Variants in DOCK7 observed in about 807,000 individuals in gnomAD.
DOCK7 encodes the protein dedicator of cytokinesis protein 7.
Under a neutral mutation model 271.0 loss-of-function variants are expected in DOCK7, and 138 were observed. That is an observed-to-expected ratio of 0.51 (90% CI 0.44 to 0.59). DOCK7 has a LOEUF of 0.59. DOCK7 is among the 20% of genes least tolerant of loss of function. DOCK7 has a pLI of 0.00. For missense variants in DOCK7, 2,066 were observed against 2,592.4 expected, an observed-to-expected ratio of 0.80 and a Z score of 4.41; for synonymous variants, 823 against 876.1, an observed-to-expected ratio of 0.94 and a Z score of 1.07.
chr1:62,600,988 A>G, intron 14 of DOCK7: 2 of 777,206 alleles, frequency 2.6e-6, no homozygotes, highest in South Asian at 1.4e-5. Context: ...TTATGAACTG[A>G]AAGACAAACT....
chr1:62,573,873 T>C (rs763595459), intron 18 of DOCK7, among the ~76,000 whole-genome samples: 1 of 152,008 alleles, frequency 6.6e-6, no homozygotes, highest in Non-Finnish European at 1.5e-5. Flanking sequence ...GAACTCCTGC[T>C]CCCACCTCAG....
At position 62,504,671 on chromosome 1, in the gene DOCK7, A is replaced by T. The variant is rs1646887723; in HGVS notation, c.4723T>A (p.Ser1575Thr). Residue 1575 changes from serine (S) to threonine (T), a missense_variant, in exon 37 of 50, where the codon TCC becomes ACC. Ser to Thr is a moderately conservative substitution (Grantham distance 58, BLOSUM62 1). Around this residue, in one of 2 missense-constraint regions of DOCK7, gnomAD observed 652 missense variants for 922.1 expected, o/e 0.71. Coordinates refer to ENST00000635253, the MANE Select transcript of DOCK7 (RefSeq NM_001367561.1). The part of the protein sequence containing the change: ...IGTIRSHASA[S>T]LYLLMRQNFE... Reference sequence around the variant, plus strand: ...TTTTGCCTCATTAGTAGGTAAAGGGAGGCACTGGCGTGTGACCGTATTGTA... The same window carrying T: ...TTTTGCCTCATTAGTAGGTAAAGGGTGGCACTGGCGTGTGACCGTATTGTA... 1 of 1,613,914 alleles carries T rather than the reference A, an allele frequency of 6.2e-7. No individual in the cohort carries two copies. Among genetic ancestry groups the T allele is most frequent in the Non-Finnish European group, 8.5e-7 (1 of 1,179,944 alleles).
chr1:62,587,147 TAG>T (rs1027804013), intron 14 of DOCK7, among the ~76,000 whole-genome samples: 3 of 152,112 alleles, frequency 2.0e-5, no homozygotes, highest in South Asian at 2.1e-4. Flanking sequence ...ATGGATATAA[TAG>T]AGTTAGGTAG....
chr1:62,631,109 C>T, intron 11 of DOCK7, 131 bp downstream of exon 11: 8 of 674,408 alleles, frequency 1.2e-5, no homozygotes, highest in South Asian at 5.4e-5. Flanking sequence ...TGCTTGAACC[C>T]CGGTGGCAAA....
chr1:62,558,048 C>T (rs1028096868), intron 20 of DOCK7, among the ~76,000 whole-genome samples: 10 of 152,014 alleles, frequency 6.6e-5, no homozygotes, highest in Non-Finnish European at 1.5e-4. Flanking sequence ...TCTTCAAAGG[C>T]TATTTATTCC....
At chr1:62,624,303 T>C (rs1461709546) in intron 12 of DOCK7, among the ~76,000 whole-genome samples, 1 of 152,206 alleles carries the variant, frequency 6.6e-6, no homozygotes, top group Non-Finnish European at 1.5e-5. Flanking sequence ...ATTTTTTCTA[T>C]TCTACTCGTG....
At chr1:62,490,001 T>TA (rs1646412476) in intron 41 of DOCK7, among the ~76,000 whole-genome samples, 1 of 151,356 alleles carries the variant, frequency 6.6e-6, no homozygotes, top group Non-Finnish European at 1.5e-5. Flanking sequence ...GCTATGGTTA[T>TA]AATCACATAA....
At chr1:62,546,671 T>C (rs906478939) in intron 22 of DOCK7, among the ~76,000 whole-genome samples, 1 of 152,110 alleles carries the variant, frequency 6.6e-6, no homozygotes, top group African/African-American at 2.4e-5. Flanking sequence ...CCATACATAT[T>C]TTTCTTAAAA....
At position 62,494,323 on chromosome 1, in the gene DOCK7, G is replaced by A; in HGVS notation, c.5169C>T (p.Ser1723=). 6.2e-7 allele frequency: 1 copy of A among 1,607,950 alleles called. No individual in the cohort carries two copies. ...GAAGATATTTCCGGTCCTCCAGCAT[G>A]CTCAAATATTCAGCAACAAGTGCTG... is the stretch of plus-strand genomic sequence containing the variant. ...HSAALVAEYL[S]MLEDRKYLPV... Residue 1723 remains serine (S), a synonymous_variant, in exon 40 of 50, where the codon AGC becomes AGT. Transcript: ENST00000635253.
chr1:62,528,402 C>G, intron 30 of DOCK7, 97 bp from the exon 31 acceptor site: 1 of 1,150,406 alleles, frequency 8.7e-7, no homozygotes, highest in Non-Finnish European at 1.2e-6. Flanking sequence ...AACTTGTTGA[C>G]ATGTTATAGT....
chr1:62,513,344 T>C, intron 33 of DOCK7, 100 bp downstream of exon 33: 1 of 1,109,602 alleles, frequency 9.0e-7, no homozygotes, highest in Non-Finnish European at 1.2e-6. Flanking sequence ...AATTCACAGT[T>C]ACACTTAAAA....
intron 2 of DOCK7, among the ~76,000 whole-genome samples, chr1:62,662,373 G>C (rs1300650424): frequency 6.6e-6 from 1 of 152,056 alleles, no homozygotes; most frequent in Non-Finnish European, 1.5e-5. Context: ...TTATCTTAAA[G>C]GGGACAGATA....
chr1:62,633,275 T>C (rs1654851153), intron 10 of DOCK7, among the ~76,000 whole-genome samples: 1 of 151,964 alleles, frequency 6.6e-6, no homozygotes, highest in African/African-American at 2.4e-5. Flanking sequence ...CCACAGCATA[T>C]GAAACATATG....
chr1:62,674,194 C>G (rs1351661581), intron 1 of DOCK7, among the ~76,000 whole-genome samples: 1 of 151,900 alleles, frequency 6.6e-6, no homozygotes, highest in East Asian at 1.9e-4. Flanking sequence ...TAATTCCATT[C>G]AAAAGATCAA....
chr1:62,504,015 C>A (rs1276983170), intron 37 of DOCK7, among the ~76,000 whole-genome samples: 1 of 150,134 alleles, frequency 6.7e-6, no homozygotes, highest in Non-Finnish European at 1.5e-5. Context: ...CCACTGCACT[C>A]CAGCCTGGGC....
intron 48 of DOCK7, among the ~76,000 whole-genome samples, chr1:62,472,130 TACTC>T (rs1393663578): frequency 1.3e-5 from 2 of 152,044 alleles, no homozygotes; most frequent in Non-Finnish European, 2.9e-5. Flanking sequence ...TTAGATGGAG[TACTC>T]ACTCTGTTGC....
chr1:62,608,546 C>T (rs1189115778), intron 14 of DOCK7: 1 of 152,134 alleles, frequency 6.6e-6, no homozygotes, highest in East Asian at 1.9e-4. Context: ...CCTCAAATGG[C>T]ACTTAGTGAG....
Position 62,589,378 on chromosome 1 carries a change from T to C in DOCK7, c.1683-2754A>G, listed in dbSNP as rs867875752. ...ATGGATGATTAACTTGTCCCATCTT[T>C]GGCAAATGAAAAAAACAATGCAAGC... On this transcript the variant is annotated intron_variant, in intron 14 of 49. Coordinates refer to ENST00000635253, the MANE Select transcript of DOCK7 (RefSeq NM_001367561.1). Among the ~76,000 whole-genome samples, 8 of 152,190 alleles carry C rather than the reference T, an allele frequency of 5.3e-5. No individual in the cohort carries two copies. The South Asian group carries it at 8.3e-4, about 16-fold the overall frequency.
At chr1:62,557,102 G>T (rs548316629) in intron 20 of DOCK7, among the ~76,000 whole-genome samples, 10 of 136,772 alleles carry the variant, frequency 7.3e-5, no homozygotes, top group African/African-American at 2.5e-4. Context: ...GTCTTGCTAT[G>T]TTGACCAGGC....
Sources: allele counts gnomAD v4.1 joint callset (sites outside exome capture counted in the v4.1 genomes callset), GRCh38; gene constraint gnomAD v4.1.1; regional missense constraint gnomAD v4.1.1; transcripts MANE v1.5; gene names NCBI Gene and HGNC (gene_info 2026-07-23, HGNC 2026-07-21).